Variants in NRM observed in about 807,000 individuals in gnomAD.
NRM encodes the protein nuclear rim protein.
NRM carries 19 observed loss-of-function variants against 23.4 expected under a neutral mutation model. The observed-to-expected ratio is 0.81, with a 90% confidence interval of 0.57 to 1.19. NRM has a LOEUF of 1.19. Among genes scored for constraint, NRM ranks in the 50% most tolerant of loss-of-function variants. NRM has a pLI of 0.00. For missense variants in NRM, 232 were observed against 329.7 expected, an observed-to-expected ratio of 0.70 and a Z score of 2.30; for synonymous variants, 140 against 143.5, an observed-to-expected ratio of 0.98 and a Z score of 0.17.
chr6:30,688,477 T>C lies in NRM; in HGVS notation c.*184A>G, dbSNP rs745683848. 107 of 672,906 alleles carry C rather than the reference T, an allele frequency of 1.6e-4. No individual in the cohort carries two copies. The highest frequency in any genetic ancestry group is 8.3e-4 in the Middle Eastern group (2 of 2,410). The allele number at this position is 672,906 out of a possible 1,614,324, so 41.7% of individuals were successfully genotyped here. ...GTGAGAAGTGGACCTTGGAGTTCAGTGGCTGAAACTCAGAATTTAGGGTAT... is the reference window on the plus strand; with the variant it reads ...GTGAGAAGTGGACCTTGGAGTTCAGCGGCTGAAACTCAGAATTTAGGGTAT... On this transcript the variant is annotated 3_prime_UTR_variant, in exon 4 of 4. Coordinates refer to ENST00000376421, the MANE Select transcript of NRM (RefSeq NM_001384369.1). The surrounding 1 kb of genome is among the most constrained non-coding windows in gnomAD (Gnocchi z 5.9).
rs777102287 is a variant in NRM at position 30,690,757 on chromosome 6, C to A, written c.133+85G>T. On this transcript the variant is annotated intron_variant, in intron 1 of 3. Coordinates refer to ENST00000376421, the MANE Select transcript of NRM (RefSeq NM_001384369.1). This position sits in a 1 kb window ranked among gnomAD's most constrained non-coding sequence, Gnocchi z 5.5. ...GTTCCCTCTCTTGGACTTCCCCTGT[C>A]ATTTGTTTCCAAGCCCCGCCCTCAA... The A allele has an allele frequency of 1.2e-6, 2 of 1,611,716 alleles. No homozygotes were observed. The highest frequency in any genetic ancestry group is 1.7e-6 in the Non-Finnish European group (2 of 1,179,336).
In NRM at chr6:30,689,169, A is replaced by T; in HGVS notation, c.507+107T>A. 1.6e-6 allele frequency: 2 copies of T among 1,218,558 alleles called. No individual in the cohort carries two copies. Among genetic ancestry groups the T allele is most frequent in the South Asian group, 3.1e-5 (2 of 64,374 alleles). The allele number at this position is 1,218,558 out of a possible 1,614,324, so 75.5% of individuals were successfully genotyped here. Reference sequence around the variant, plus strand: ...AAGTCAAAGGGAAGGGCCACGAGGGAGAAGCAGGGAGACAGTAGAAGAGCA... The same window carrying T: ...AAGTCAAAGGGAAGGGCCACGAGGGTGAAGCAGGGAGACAGTAGAAGAGCA... On this transcript the variant is annotated intron_variant, in intron 3 of 3. Coordinates refer to ENST00000376421, the MANE Select transcript of NRM (RefSeq NM_001384369.1). This position sits in a 1 kb window ranked among gnomAD's most constrained non-coding sequence, Gnocchi z 4.7.
In NRM at chr6:30,688,840, G is replaced by A. The variant is rs761193756; in HGVS notation, c.610C>T (p.Leu204=). The change falls in exon 4 of 4, where the codon CTG becomes TTG. Residue 204 remains leucine (L), a synonymous_variant. Coordinates refer to ENST00000376421, the MANE Select transcript of NRM (RefSeq NM_001384369.1). This position sits in a 1 kb window ranked among gnomAD's most constrained non-coding sequence, Gnocchi z 5.9. ...HLRHPVCVEL[L]TVLWVVPTLG... is the part of the protein sequence containing the mutation. ...GTAGGCACCACCCACAGCACTGTCA[G>A]CAGCTCCACACACACTGGGTGGCGC... 4 of 1,613,884 alleles carry A rather than the reference G, an allele frequency of 2.5e-6. No individual in the cohort carries two copies. The Admixed American group carries it at 6.7e-5, about 27-fold the overall frequency.
rs1771362000 is a variant in NRM at position 30,689,486 on chromosome 6, G to A, written c.331-34C>T. On this transcript the variant is annotated intron_variant, in intron 2 of 3. Transcript: ENST00000376421. The surrounding 1 kb of genome is among the most constrained non-coding windows in gnomAD (Gnocchi z 4.7). Reference sequence around the variant, plus strand: ...GGATAAGGGGCTGGGTATCCCAGTGGCCTAGTCTGCCCGACCTTGGGAGAC... The same window carrying A: ...GGATAAGGGGCTGGGTATCCCAGTGACCTAGTCTGCCCGACCTTGGGAGAC... 6.5e-7 allele frequency: 1 copy of A among 1,527,632 alleles called. No individual in the cohort carries two copies. Among genetic ancestry groups the A allele is most frequent in the South Asian group, 1.2e-5 (1 of 81,342 alleles). 94.6% of individuals were successfully genotyped at this position (1,527,632 alleles called of 1,614,324 possible).
rs1771383497 is a variant in NRM, at chr6:30,689,651, C to A, written c.331-199G>T. 6.6e-6 allele frequency among the ~76,000 whole-genome samples: 1 copy of A among 152,116 alleles called. No individual in the cohort carries two copies. Among genetic ancestry groups the A allele is most frequent in the African/African-American group, 2.4e-5 (1 of 41,428 alleles). Reference sequence around the variant, plus strand: ...AAGATGTAAGGATGGCCTGTCTCTACCCTGAGAACTTATAGAATAGATGGG... The same window carrying A: ...AAGATGTAAGGATGGCCTGTCTCTAACCTGAGAACTTATAGAATAGATGGG... On this transcript the variant is annotated intron_variant, in intron 2 of 3. Transcript: ENST00000376421. This position sits in a 1 kb window ranked among gnomAD's most constrained non-coding sequence, Gnocchi z 4.7.
In NRM at chr6:30,689,640, GC is replaced by G. The variant is rs1344527103; in HGVS notation, c.331-189del. 6.6e-6 allele frequency among the ~76,000 whole-genome samples: 1 copy of G among 152,154 alleles called. No homozygotes were observed. The highest frequency in any genetic ancestry group is 1.9e-4 in the East Asian group (1 of 5,186). On this transcript the variant is annotated intron_variant, in intron 2 of 3. Transcript: ENST00000376421. The surrounding 1 kb of genome is among the most constrained non-coding windows in gnomAD (Gnocchi z 4.7). ...GTGAGGTCCCAAAGATGTAAGGATGGCCTGTCTCTACCCTGAGAACTTATAG... is the reference window on the plus strand; with the variant it reads ...GTGAGGTCCCAAAGATGTAAGGATGGCTGTCTCTACCCTGAGAACTTATAG...
In NRM at chr6:30,690,713, G is replaced by C. The variant is rs545829523; in HGVS notation, c.133+129C>G. 298 of 1,610,618 alleles carry C rather than the reference G, an allele frequency of 1.9e-4. 3 individuals carry two copies. In the South Asian group the frequency reaches 2.0e-3, roughly 11 times the overall value. ...AGGTCTCCCTCCCCTGTAGCTTCTCGGCCGCTTTCAAGGTTCGAGTTCCCT... is the reference window on the plus strand; with the variant it reads ...AGGTCTCCCTCCCCTGTAGCTTCTCCGCCGCTTTCAAGGTTCGAGTTCCCT... On this transcript the variant is annotated intron_variant, in intron 1 of 3. Coordinates refer to ENST00000376421, the MANE Select transcript of NRM (RefSeq NM_001384369.1). This position sits in a 1 kb window ranked among gnomAD's most constrained non-coding sequence, Gnocchi z 5.5.
chr6:30,690,539 G>C lies in NRM; in HGVS notation c.134-296C>G, dbSNP rs1771502140. The C allele has an allele frequency of 2.6e-6, 4 of 1,539,270 alleles. No individual in the cohort carries two copies. The Admixed American group carries it at 7.9e-5, about 31-fold the overall frequency. ...CCCCTCTTACTTCGGTTCTCCAAAT[G>C]CTCCTTCTTTTTAACACTCTCCTCT... On this transcript the variant is annotated intron_variant, in intron 1 of 3. Transcript: ENST00000376421. The surrounding 1 kb of genome is among the most constrained non-coding windows in gnomAD (Gnocchi z 5.5).
rs764075596 is a variant in NRM at position 30,689,394 on chromosome 6, GC to G, written c.388del (p.Ala130LeufsTer54). On this transcript the variant is annotated frameshift_variant, in exon 3 of 4. Transcript: ENST00000376421. LOFTEE classifies it high-confidence loss of function. This position sits in a 1 kb window ranked among gnomAD's most constrained non-coding sequence, Gnocchi z 4.7. ...PKGPVLWEAR[A>X]EPWATWVPLL... ...CGGCACCCAGGTGGCCCATGGCTCA[GC>G]CCGAGCCTCCCACAACACAGGGCCT... The G allele has an allele frequency of 1.3e-6, 2 of 1,568,448 alleles. No individual in the cohort carries two copies. Among genetic ancestry groups the G allele is most frequent in the Non-Finnish European group, 1.7e-6 (2 of 1,156,768 alleles).
chr6:30,691,341 A>G (rs963759433), upstream of NRM: 1 of 206,388 alleles, frequency 4.8e-6, no homozygotes, highest in Non-Finnish European at 1.0e-5. Context: ...TACATTGTAC[A>G]GAATACAATA....
chr6:30,689,837 G>A lies in NRM; in HGVS notation c.330+210C>T, dbSNP rs1164003216. Among the ~76,000 whole-genome samples, 1 of 152,192 alleles carries A rather than the reference G, an allele frequency of 6.6e-6. No homozygotes were observed. The highest frequency in any genetic ancestry group is 1.5e-5 in the Non-Finnish European group (1 of 68,024). On this transcript the variant is annotated intron_variant, in intron 2 of 3. Coordinates refer to ENST00000376421, the MANE Select transcript of NRM (RefSeq NM_001384369.1). This position sits in a 1 kb window ranked among gnomAD's most constrained non-coding sequence, Gnocchi z 4.7. Reference sequence around the variant, plus strand: ...ATAAACAAAGTTGCAGAGGTGAGAAGCATATCTTGTGCTTAGGGAAGGACA... The same window carrying A: ...ATAAACAAAGTTGCAGAGGTGAGAAACATATCTTGTGCTTAGGGAAGGACA...
In NRM at chr6:30,690,311, TCTC is replaced by T; in HGVS notation, c.134-71_134-69del. 1 of 1,382,378 alleles carries T rather than the reference TCTC, an allele frequency of 7.2e-7. No homozygotes were observed. The highest frequency in any genetic ancestry group is 9.8e-7 in the Non-Finnish European group (1 of 1,022,124). 85.6% of individuals were successfully genotyped at this position (1,382,378 alleles called of 1,614,324 possible). A position where few individuals can be genotyped will look rare whatever the true frequency, so the allele number is the denominator to read the frequency against. ...TGGCAGAATGTTTCCCCCACCCTCA[TCTC>T]CTCTTGGATCCCCAGGCCATGTCCC... On this transcript the variant is annotated intron_variant, in intron 1 of 3. Coordinates refer to ENST00000376421, the MANE Select transcript of NRM (RefSeq NM_001384369.1). The surrounding 1 kb of genome is among the most constrained non-coding windows in gnomAD (Gnocchi z 5.5).
rs2269704 is a variant in NRM, at chr6:30,689,176, G to A, written c.507+100C>T. 8.1e-3 allele frequency: 10,122 copies of A among 1,256,122 alleles called. 257 individuals are homozygous for A. The highest frequency in any genetic ancestry group is 0.075 in the East Asian group (2,944 of 39,342). The allele number at this position is 1,256,122 out of a possible 1,614,324, so 77.8% of individuals were successfully genotyped here. A position where few individuals can be genotyped will look rare whatever the true frequency, so the allele number is the denominator to read the frequency against. On this transcript the variant is annotated intron_variant, in intron 3 of 3. Coordinates refer to ENST00000376421, the MANE Select transcript of NRM (RefSeq NM_001384369.1). The surrounding 1 kb of genome is among the most constrained non-coding windows in gnomAD (Gnocchi z 4.7). ...AGGGAAGGGCCACGAGGGAGAAGCA[G>A]GGAGACAGTAGAAGAGCATGGGAGG...
chr6:30,690,124 C>A lies in NRM; in HGVS notation c.253G>T (p.Val85Leu). The change falls in exon 2 of 4, where the codon GTG becomes TTG. Residue 85 changes from valine (V) to leucine (L), a missense_variant. Val to Leu is a conservative substitution (Grantham distance 32). Transcript: ENST00000376421. The surrounding 1 kb of genome is among the most constrained non-coding windows in gnomAD (Gnocchi z 5.5). ...GQHSLMAAER[V>L]KAWTSRYFGV... ...AAGTACCGGGATGTCCATGCCTTCA[C>A]TCTTTCAGCTGCCATGAGGCTGTGC... 6.2e-7 allele frequency: 1 copy of A among 1,612,986 alleles called. No individual in the cohort carries two copies. The highest frequency in any genetic ancestry group is 8.5e-7 in the Non-Finnish European group (1 of 1,179,998).
At chr6:30,691,119 C>A (rs1270720625), upstream of NRM, 5 of 867,138 alleles carry the variant, frequency 5.8e-6, no homozygotes, top group Admixed American at 5.8e-5. Context: ...CCGCCTGGCG[C>A]AGCCTTCCCC....
Position 30,689,369 on chromosome 6 carries a change from C to G in NRM, c.414G>C (p.Pro138=), listed in dbSNP as rs3129997. The change falls in exon 3 of 4, where the codon CCG becomes CCC. Residue 138 remains proline (P), a synonymous_variant. Transcript: ENST00000376421. The surrounding 1 kb of genome is among the most constrained non-coding windows in gnomAD (Gnocchi z 4.7). ...ARAEPWATWV[P]LLCFVLHVIS... ...TGACATGGAGCACAAAGCAGAGGAG[C>G]GGCACCCAGGTGGCCCATGGCTCAG... The G allele has an allele frequency of 7.2e-3, 11,211 of 1,560,774 alleles. 56 individuals carry two copies. Among genetic ancestry groups the G allele is most frequent in the Admixed American group, 9.8e-3 (512 of 52,082 alleles).
rs1352962285 is a variant in NRM at position 30,690,765 on chromosome 6, T to C, written c.133+77A>G. 1.3e-5 allele frequency: 21 copies of C among 1,611,882 alleles called. No homozygotes were observed. Among genetic ancestry groups the C allele is most frequent in the Non-Finnish European group, 1.6e-5 (19 of 1,179,440 alleles). The stretch of plus-strand genomic sequence containing the variant: ...TCTTGGACTTCCCCTGTCATTTGTT[T>C]CCAAGCCCCGCCCTCAATCCCTCTC... On this transcript the variant is annotated intron_variant, in intron 1 of 3. Transcript: ENST00000376421. The surrounding 1 kb of genome is among the most constrained non-coding windows in gnomAD (Gnocchi z 5.5).
At chr6:30,691,068 A>G (rs1474496120), upstream of NRM, 18 of 1,425,816 alleles carry the variant, frequency 1.3e-5, no homozygotes, top group Non-Finnish European at 1.7e-5. Flanking sequence ...AATCCAGCCC[A>G]GGAGGGCGGG....
chr6:30,688,936 A>G lies in NRM; in HGVS notation c.514T>C (p.Tyr172His). 1 of 1,612,062 alleles carries G rather than the reference A, an allele frequency of 6.2e-7. No homozygotes were observed. The highest frequency in any genetic ancestry group is 8.5e-7 in the Non-Finnish European group (1 of 1,179,448). ...AELMGLKQVY[Y>H]HVLGLGEPLA... ...GGCTCGCCCAGCCCCAGCACATGGT[A>G]GTATACCTAAGAGAGGGAGAAGAGC... is the stretch of plus-strand genomic sequence containing the variant. Residue 172 changes from tyrosine (Y) to histidine (H), a missense_variant, in exon 4 of 4, where the codon TAC becomes CAC. Physicochemically the swap from Tyr to His is moderately conservative, Grantham distance 83 (BLOSUM62 2). Coordinates refer to ENST00000376421, the MANE Select transcript of NRM (RefSeq NM_001384369.1). This position sits in a 1 kb window ranked among gnomAD's most constrained non-coding sequence, Gnocchi z 5.9.
Sources: allele counts gnomAD v4.1 joint callset (sites outside exome capture counted in the v4.1 genomes callset), GRCh38; gene constraint gnomAD v4.1.1; non-coding constraint Gnocchi (gnomAD v3.1); transcripts MANE v1.5; gene names NCBI Gene and HGNC (gene_info 2026-07-23, HGNC 2026-07-21).